NDUFA5: variants seen among roughly 807,000 people sequenced by gnomAD.
NDUFA5 encodes NADH:ubiquinone oxidoreductase subunit A5, also known as NADH dehydrogenase [ubiquinone] 1 alpha subcomplex subunit 5.
Under a neutral mutation model 19.8 loss-of-function variants are expected in NDUFA5, and 11 were observed. The ratio of observed to expected loss-of-function variants is 0.56; its 90% CI spans 0.35 to 0.92. The LOEUF is 0.92. Ranked by LOEUF, NDUFA5 falls within the 40% of genes least tolerant of loss-of-function variation. The pLI is 0.01. For synonymous variants in NDUFA5, 47 were observed against 46.8 expected, an observed-to-expected ratio of 1.00 and a Z score of -0.01; for missense variants, 109 against 134.2, an observed-to-expected ratio of 0.81 and a Z score of 0.93.
At chr7:123,587,813 A>T in the NDUFA5 span, among the ~76,000 whole-genome samples, 1 of 151,734 alleles carries the variant, frequency 6.6e-6, no homozygotes, top group African/African-American at 2.4e-5. Context: ...TTTATCCTCT[A>T]TTCTGTTAAT....
chr7:123,552,179 TA>T (rs34744524), intron 2 of NDUFA5, among the ~76,000 whole-genome samples: 249 of 143,972 alleles, frequency 1.7e-3, no homozygotes, highest in Middle Eastern at 3.7e-3. Flanking sequence ...TTTTTTCAAT[TA>T]AAAAAAAAAA....
the NDUFA5 span, among the ~76,000 whole-genome samples, chr7:123,592,609 TA>T: frequency 6.6e-6 from 1 of 152,236 alleles, no homozygotes; most frequent in African/African-American, 2.4e-5. Context: ...GTGAGTTTCT[TA>T]ATCCTTATTT....
At chr7:123,579,515 G>A in the NDUFA5 span, among the ~76,000 whole-genome samples, 1 of 152,026 alleles carries the variant, frequency 6.6e-6, no homozygotes, top group Non-Finnish European at 1.5e-5. Context: ...ATACCATGAA[G>A]AGTTGTTCTG....
At chr7:123,598,348 T>C in the NDUFA5 span, among the ~76,000 whole-genome samples, 1 of 152,176 alleles carries the variant, frequency 6.6e-6, no homozygotes, top group Non-Finnish European at 1.5e-5. Flanking sequence ...AGTATAAACC[T>C]TTAGATATCT....
chr7:123,544,764 T>TA (rs61556029), intron 4 of NDUFA5, among the ~76,000 whole-genome samples: 2,793 of 61,666 alleles, frequency 0.045, 127 homozygotes, highest in African/African-American at 0.11. Context: ...ATGCAAATCT[T>TA]AAAAAAAAAA....
chr7:123,574,817 A>C, the NDUFA5 span, among the ~76,000 whole-genome samples: 1 of 152,088 alleles, frequency 6.6e-6, no homozygotes, highest in African/African-American at 2.4e-5. Context: ...ACACATCTTT[A>C]AGTAGTTCCA....
chr7:123,565,528 A>T, the NDUFA5 span, among the ~76,000 whole-genome samples: 1 of 152,202 alleles, frequency 6.6e-6, no homozygotes, highest in Admixed American at 6.5e-5. Context: ...GGGGAACCAT[A>T]ATACAAATTG....
At chr7:123,565,788 G>A in the NDUFA5 span, among the ~76,000 whole-genome samples, 18 of 152,272 alleles carry the variant, frequency 1.2e-4, no homozygotes, top group East Asian at 9.7e-4. Flanking sequence ...AGGCCAAGGC[G>A]GGTGGATTTC....
chr7:123,596,383 A>T, the NDUFA5 span: 5 of 152,178 alleles, frequency 3.3e-5, no homozygotes, highest in African/African-American at 1.2e-4. Context: ...GGGTGGGTAG[A>T]TTGCTCGAAC....
At chr7:123,596,256 A>C in the NDUFA5 span, 1 of 152,170 alleles carries the variant, frequency 6.6e-6, no homozygotes, top group Non-Finnish European at 1.5e-5. Context: ...TTGAAATATA[A>C]AGACCTGAAT....
the NDUFA5 span, among the ~76,000 whole-genome samples, chr7:123,568,970 G>A: frequency 6.6e-6 from 1 of 152,180 alleles, no homozygotes; most frequent in Non-Finnish European, 1.5e-5. Flanking sequence ...GGGGACAGAA[G>A]ACAACAGCTA....
the NDUFA5 span, among the ~76,000 whole-genome samples, chr7:123,592,904 T>A: frequency 1.3e-5 from 2 of 152,146 alleles, no homozygotes; most frequent in African/African-American, 4.8e-5. Context: ...TGTGGGAGTC[T>A]AAGTCTCTTT....
At chr7:123,547,872 T>G (rs142739509) in intron 3 of NDUFA5, among the ~76,000 whole-genome samples, 17 of 152,306 alleles carry the variant, frequency 1.1e-4, no homozygotes, top group African/African-American at 3.8e-4. Context: ...CACTATATAC[T>G]TGGGACTATG....
upstream of NDUFA5, chr7:123,558,029 G>T: frequency 1.5e-6 from 1 of 666,320 alleles, no homozygotes; most frequent in Non-Finnish European, 2.5e-6. Context: ...GAAAGAAAGG[G>T]TTTCCCAGCT....
At chr7:123,549,007 T>A (rs565648251) in intron 3 of NDUFA5, among the ~76,000 whole-genome samples, 1 of 139,120 alleles carries the variant, frequency 7.2e-6, no homozygotes, top group African/African-American at 2.6e-5. Context: ...CAGCATTACA[T>A]TGTAGTATTA....
chr7:123,558,034 C>T (rs2116221219), upstream of NDUFA5: 1 of 655,088 alleles, frequency 1.5e-6, no homozygotes, highest in South Asian at 2.0e-5. Context: ...AAAGGGTTTC[C>T]CAGCTGTCTG....
At chr7:123,588,367 T>C in the NDUFA5 span, among the ~76,000 whole-genome samples, 2 of 151,740 alleles carry the variant, frequency 1.3e-5, no homozygotes, top group Non-Finnish European at 3.0e-5. Flanking sequence ...TATTTTTATA[T>C]ATGTGATTTT....
At chr7:123,570,029 CTTTTTTTTT>C in the NDUFA5 span, among the ~76,000 whole-genome samples, 27 of 88,204 alleles carry the variant, frequency 3.1e-4, no homozygotes, top group African/African-American at 1.2e-3. Flanking sequence ...ACTGCCATAG[CTTTTTTTTT>C]TTTTTTTTTT....
At chr7:123,573,060 G>GA in the NDUFA5 span, among the ~76,000 whole-genome samples, 6 of 151,886 alleles carry the variant, frequency 4.0e-5, no homozygotes, top group Middle Eastern at 6.8e-3. Flanking sequence ...GCTTCTTACT[G>GA]AAAAAATGCA....
Sources: gnomAD v4.1 joint callset for allele counts (sites outside exome capture counted in the v4.1 genomes callset) on GRCh38, gnomAD v4.1.1 for gene constraint, MANE v1.5 for transcripts, NCBI Gene and HGNC (gene_info 2026-07-23, HGNC 2026-07-21) for gene names.